Variants in SEC14L5 observed in about 807,000 individuals in gnomAD.
SEC14L5 encodes the protein SEC14 like lipid binding 5.
In SEC14L5, 96 loss-of-function variants were observed where a neutral mutation model predicts 84.6. The observed-to-expected ratio is 1.13, with a 90% CI of 0.96 to 1.34. The LOEUF (loss-of-function observed/expected upper bound fraction) is 1.34, where lower values mean the gene tolerates loss of function less well. SEC14L5 is among the 40% of genes most tolerant of loss of function. SEC14L5 has a pLI of 0.00. For missense variants in SEC14L5, 1,224 were observed against 942.5 expected (o/e 1.30, Z -3.91); for synonymous variants, 546 against 383.4 (o/e 1.42, Z -4.95).
chr16:4,997,612 T>G (rs1596635244), intron 8 of SEC14L5, among the ~76,000 whole-genome samples: 2 of 152,254 alleles, frequency 1.3e-5, no homozygotes, highest in Admixed American at 1.3e-4. Context: ...AACAGGTGCA[T>G]ACATTTTGTA....
chr16:5,016,686 C>T lies in SEC14L5; in HGVS notation c.*1716C>T, dbSNP rs1349906939. 6.6e-6 allele frequency: 1 copy of T among 152,146 alleles called. No individual in the cohort carries two copies. Among genetic ancestry groups the T allele is most frequent in the African/African-American group, 2.4e-5 (1 of 41,422 alleles). The allele number at this position is 152,146 out of a possible 1,614,324, so 9.4% of individuals were successfully genotyped here. The stretch of plus-strand genomic sequence containing the variant: ...GAGCCAAGGGGTGGTTTTGTGGCCA[C>T]AAGAATCATCTTTATGCAGGCTCAG... On this transcript the variant is annotated 3_prime_UTR_variant, in exon 16 of 16. Transcript: ENST00000251170.
chr16:5,009,882 A>G lies in SEC14L5; in HGVS notation c.1801-1213A>G, dbSNP rs1221369337. ...TGATGTTCCAGGTGGAAGGAACAGA[A>G]AGAACAAAATTGAAGCCGCAGGGAG... is the stretch of plus-strand genomic sequence containing the variant. On this transcript the variant is annotated intron_variant, in intron 14 of 15. Transcript: ENST00000251170. Among the ~76,000 whole-genome samples the G allele has an allele frequency of 2.0e-5, 3 of 152,090 alleles. No individual in the cohort carries two copies. The East Asian group carries it at 5.8e-4, about 29-fold the overall frequency.
intron 2 of SEC14L5, among the ~76,000 whole-genome samples, chr16:4,963,971 G>A (rs1004109489): frequency 1.4e-4 from 21 of 152,378 alleles, no homozygotes; most frequent in African/African-American, 5.0e-4. Context: ...ATAGGCATGA[G>A]CCACTGCGCT....
chr16:5,005,786 C>T (rs1449793229), intron 11 of SEC14L5, 128 bp from the exon 12 acceptor site: 6 of 895,918 alleles, frequency 6.7e-6, no homozygotes, highest in African/African-American at 1.8e-5. Flanking sequence ...ATGGCGTGAA[C>T]CCGGGAGGTG....
chr16:4,996,963 G>A lies in SEC14L5; in HGVS notation c.889G>A (p.Val297Met), dbSNP rs1955619157. The change falls in exon 8 of 16, where the codon GTG (valine) becomes ATG (methionine). Residue 297 changes from valine to methionine, a missense_variant. Transcript: ENST00000251170. The part of the protein sequence containing the change: ...QSLSWRKQHQ[V>M]DLLLQTWQPP... ...CTTGAGCTGGCGCAAGCAGCACCAG[G>A]TGGATCTCCTCCTTCAGACCTGGCA... The A allele has an allele frequency of 1.9e-6, 3 of 1,613,590 alleles. No individual in the cohort carries two copies. Among genetic ancestry groups the A allele is most frequent in the African/African-American group, 1.3e-5 (1 of 74,930 alleles).
intron 14 of SEC14L5, 115 bp downstream of exon 14, chr16:5,008,763 G>A: frequency 1.1e-6 from 1 of 912,614 alleles, no homozygotes; most frequent in Non-Finnish European, 1.7e-6. Flanking sequence ...CCCAGCCTCA[G>A]GGACCCTGCA....
At chr16:4,974,564 A>G (rs1955318268) in intron 2 of SEC14L5, among the ~76,000 whole-genome samples, 2 of 150,774 alleles carry the variant, frequency 1.3e-5, no homozygotes, top group South Asian at 4.2e-4. Context: ...AATTTTTTAA[A>G]AAAACATTTA....
intron 2 of SEC14L5, among the ~76,000 whole-genome samples, chr16:4,965,534 G>A (rs1021640776): frequency 7.3e-5 from 11 of 151,368 alleles, no homozygotes; most frequent in South Asian, 2.1e-4. Context: ...GGTGGCGGGC[G>A]CCTGTAGTCC....
At chr16:4,967,739 AT>A (rs373179469) in intron 2 of SEC14L5, among the ~76,000 whole-genome samples, 2 of 149,476 alleles carry the variant, frequency 1.3e-5, no homozygotes, top group Non-Finnish European at 3.0e-5. Flanking sequence ...TGCCTGGCTG[AT>A]TTTTGTATTT....
At chr16:4,981,151 C>T (rs1406180664) in intron 2 of SEC14L5, among the ~76,000 whole-genome samples, 1 of 151,016 alleles carries the variant, frequency 6.6e-6, no homozygotes, top group Non-Finnish European at 1.5e-5. Context: ...GAGTCTTGCT[C>T]TGTCGCCCAC....
In SEC14L5 at chr16:5,014,958, G is replaced by A. The variant is rs1955856504; in HGVS notation, c.2079G>A (p.Leu693=). 3 of 1,610,652 alleles carry A rather than the reference G, an allele frequency of 1.9e-6. No homozygotes were observed. Among genetic ancestry groups the A allele is most frequent in the Admixed American group, 1.7e-5 (1 of 59,982 alleles). The change falls in exon 16 of 16, where the codon CTG becomes CTA. Residue 693 remains leucine, a synonymous_variant. Coordinates refer to ENST00000251170, the MANE Select transcript of SEC14L5 (RefSeq NM_014692.2). ...CCGGCCAGTCTCATAGCAGCTCCCT[G>A]GTCTCCAGATAGCCGGGCCCAGTGT... ...SSSGQSHSSS[L]VSR
At position 5,017,985 on chromosome 16, in the gene SEC14L5, G is replaced by A. The variant is rs1019503774; in HGVS notation, c.*3015G>A. On this transcript the variant is annotated 3_prime_UTR_variant, in exon 16 of 16. Transcript: ENST00000251170. ...GAAGCAACCCACAAGCAGCATTACT[G>A]TTGGTGTTTGGGCACCTGGGCCTTG... The A allele has an allele frequency of 3.9e-5, 6 of 152,236 alleles. No homozygotes were observed. The highest frequency in any genetic ancestry group is 7.2e-5 in the African/African-American group (3 of 41,448). 9.4% of individuals were successfully genotyped at this position (152,236 alleles called of 1,614,324 possible). A position where few individuals can be genotyped will look rare whatever the true frequency, so the allele number is the denominator to read the frequency against.
chr16:4,983,823 G>A (rs1213733226), intron 2 of SEC14L5, among the ~76,000 whole-genome samples: 1 of 151,692 alleles, frequency 6.6e-6, no homozygotes, highest in African/African-American at 2.4e-5. Flanking sequence ...GTTGCAGTGA[G>A]CCGAGATCGC....
chr16:5,004,640 C>T (rs1033514943), intron 11 of SEC14L5, among the ~76,000 whole-genome samples: 1 of 152,072 alleles, frequency 6.6e-6, no homozygotes, highest in Admixed American at 6.5e-5. Context: ...CAGCACAGCA[C>T]AGAGCGCAGT....
intron 2 of SEC14L5, among the ~76,000 whole-genome samples, chr16:4,965,089 A>G (rs1955180880): frequency 6.6e-6 from 1 of 152,164 alleles, no homozygotes; most frequent in Non-Finnish European, 1.5e-5. Context: ...ATAAAAAGCT[A>G]TATGTCTTTA....
chr16:5,009,412 C>T (rs1259060196), intron 14 of SEC14L5, among the ~76,000 whole-genome samples: 1 of 152,156 alleles, frequency 6.6e-6, no homozygotes, highest in Non-Finnish European at 1.5e-5. Context: ...CAGCCTCTAC[C>T]TCCTAGGCTC....
intron 2 of SEC14L5, among the ~76,000 whole-genome samples, chr16:4,985,246 A>G (rs916495023): frequency 6.6e-6 from 1 of 151,928 alleles, no homozygotes; most frequent in South Asian, 2.1e-4. Context: ...TTTTTTTGAG[A>G]TGGAGTTTTG....
intron 2 of SEC14L5, among the ~76,000 whole-genome samples, chr16:4,962,462 C>T (rs1188814413): frequency 6.6e-6 from 1 of 151,966 alleles, no homozygotes; most frequent in African/African-American, 2.4e-5. Flanking sequence ...CTAAGGCGGG[C>T]GGACCACCTC....
At position 5,006,044 on chromosome 16, in the gene SEC14L5, G is replaced by C. The variant is rs1253787945; in HGVS notation, c.1433G>C (p.Ser478Thr). The C allele has an allele frequency of 1.9e-6, 3 of 1,613,450 alleles. No individual in the cohort carries two copies. In the African/African-American group the frequency reaches 4.0e-5, roughly 22 times the overall value. ...EVIPDFLGGE[S>T]VCNVPEGGLV... ...ATCCCTGACTTCCTTGGGGGAGAGA[G>C]TGTGGTGAGGCTTCCATGTCCACAG... Residue 478 changes from serine to threonine, a missense_variant, in exon 12 of 16, where the codon AGT (serine) becomes ACT (threonine). By Grantham distance (58) the Ser-to-Thr change is moderately conservative. Transcript: ENST00000251170.
Sources: allele counts gnomAD v4.1 joint callset (sites outside exome capture counted in the v4.1 genomes callset), GRCh38; gene constraint gnomAD v4.1.1; transcripts MANE v1.5; gene names NCBI Gene and HGNC (gene_info 2026-07-23, HGNC 2026-07-21).